MTUS1: variants seen among roughly 807,000 people sequenced by gnomAD.
MTUS1 encodes the protein microtubule associated scaffold protein 1.
MTUS1 carries 109 observed loss-of-function variants against 120.8 expected under a neutral mutation model. That is an observed-to-expected ratio of 0.90 (90% confidence interval 0.77 to 1.06). The LOEUF (loss-of-function observed/expected upper bound fraction) is 1.06. MTUS1 is among the 50% of genes least tolerant of loss of function. MTUS1 has a pLI of 0.00. For missense variants in MTUS1, 2,210 were observed against 1,486.3 expected (o/e 1.49, Z -8.01); for synonymous variants, 737 against 550.5 (o/e 1.34, Z -4.74).
chr8:17,759,600 T>C (rs1180259695), intron 1 of MTUS1, among the ~76,000 whole-genome samples: 1 of 147,388 alleles, frequency 6.8e-6, no homozygotes, highest in Non-Finnish European at 1.5e-5. Flanking sequence ...GTATATTTTA[T>C]ATATATATAT....
At chr8:17,748,198 G>C (rs971950001) in intron 2 of MTUS1, 2 of 152,248 alleles carry the variant, frequency 1.3e-5, no homozygotes, top group African/African-American at 4.8e-5. Context: ...GTTAGTACTT[G>C]GATGGCAGAC....
At chr8:17,737,145 A>C (rs2131219367) in intron 3 of MTUS1, among the ~76,000 whole-genome samples, 1 of 152,330 alleles carries the variant, frequency 6.6e-6, no homozygotes, top group East Asian at 1.9e-4. Context: ...GTAAAGGACC[A>C]GGGTTAAGAG....
Position 17,715,862 on chromosome 8 carries a change from G to T in MTUS1, c.2489C>A (p.Pro830Gln), listed in dbSNP as rs777917737. The change falls in exon 5 of 15, where the codon CCA (proline) becomes CAA (glutamine). Residue 830 changes from proline (P) to glutamine (Q), a missense_variant. Transcript: ENST00000693296. ...AAVIKYEEKP[P>Q]KPAFQNGSSG... is the part of the protein sequence containing the mutation. ...GGAACCATTCTGAAATGCTGGTTTT[G>T]GAGGTTTCTCCTCATATTTGATGAC... 1.2e-6 allele frequency: 2 copies of T among 1,613,860 alleles called. No individual in the cohort carries two copies. Among genetic ancestry groups the T allele is most frequent in the East Asian group, 2.2e-5 (1 of 44,882 alleles).
intron 8 of MTUS1, among the ~76,000 whole-genome samples, chr8:17,661,930 G>C (rs940961944): frequency 1.3e-5 from 2 of 152,160 alleles, no homozygotes; most frequent in African/African-American, 4.8e-5. Flanking sequence ...AAGTGGCCTG[G>C]GCTGCGAAGG....
intron 4 of MTUS1, chr8:17,722,208 T>C: frequency 9.8e-7 from 1 of 1,021,000 alleles, no homozygotes; most frequent in Non-Finnish European, 1.2e-6. Context: ...CTTAGGAGCA[T>C]CAGACACAGT....
chr8:17,757,121 A>G (rs766219597), intron 1 of MTUS1, among the ~76,000 whole-genome samples: 2 of 152,220 alleles, frequency 1.3e-5, no homozygotes, highest in African/African-American at 4.8e-5. Flanking sequence ...AGCACTATTC[A>G]TAATAGTCAT....
intron 8 of MTUS1, among the ~76,000 whole-genome samples, chr8:17,668,570 G>T (rs1421822072): frequency 6.6e-6 from 1 of 152,158 alleles, no homozygotes; most frequent in East Asian, 1.9e-4. Context: ...AATATAAAAT[G>T]TATCCAAGAG....
intron 1 of MTUS1, among the ~76,000 whole-genome samples, chr8:17,762,391 G>A (rs939719661): frequency 2.0e-5 from 3 of 152,146 alleles, no homozygotes; most frequent in Admixed American, 2.0e-4. Flanking sequence ...AACCATTCAA[G>A]GTAGCTAACA....
Position 17,675,207 on chromosome 8 carries a change from C to T in MTUS1, c.2884G>A (p.Val962Ile). ...TTACCTAGCTCTCCCCGGAGGTTAA[C>T]AAGTTCTTGAGATAGGGTTTTGTGT... ...KQHKTLSQEL[V>I]NLRGELVTAS... is the part of the protein sequence containing the mutation. The change falls in exon 8 of 15, where the codon GTT (valine) becomes ATT (isoleucine). Residue 962 changes from valine to isoleucine, a missense_variant. Physicochemically the swap from Val to Ile is conservative, Grantham distance 29. Coordinates refer to ENST00000693296, the MANE Select transcript of MTUS1 (RefSeq NM_001363059.2). 7 of 1,614,132 alleles carry T rather than the reference C, an allele frequency of 4.3e-6. No individual in the cohort carries two copies. The highest frequency in any genetic ancestry group is 5.9e-6 in the Non-Finnish European group (7 of 1,180,020).
chr8:17,694,081 A>G (rs1817487930), intron 6 of MTUS1, among the ~76,000 whole-genome samples: 1 of 152,110 alleles, frequency 6.6e-6, no homozygotes, highest in Non-Finnish European at 1.5e-5. Flanking sequence ...CTTTTTACCT[A>G]TTAATTTTTT....
intron 3 of MTUS1, among the ~76,000 whole-genome samples, chr8:17,726,478 T>C (rs556457661): frequency 6.6e-6 from 1 of 152,198 alleles, no homozygotes; most frequent in African/African-American, 2.4e-5. Context: ...AGGTCTAGCA[T>C]GGAGTGAGAC....
rs1554558544 is a variant in MTUS1 at position 17,644,505 on chromosome 8, A to ATAAGT, written c.*1416_*1420dup. On this transcript the variant is annotated 3_prime_UTR_variant, in exon 15 of 15. Coordinates refer to ENST00000693296, the MANE Select transcript of MTUS1 (RefSeq NM_001363059.2). ...CAAAGTCTCAGGATTAGGGGAGGTA[A>ATAAGT]TAAGTTTTGGAAAGAAACTGAAATG... is the stretch of plus-strand genomic sequence containing the variant. 3.3e-5 allele frequency: 5 copies of ATAAGT among 152,626 alleles called. No homozygotes were observed. Among genetic ancestry groups the ATAAGT allele is most frequent in the East Asian group, 1.9e-4 (1 of 5,194 alleles). The allele number at this position is 152,626 out of a possible 1,614,324, so 9.5% of individuals were successfully genotyped here. A position where few individuals can be genotyped will look rare whatever the true frequency, so the allele number is the denominator to read the frequency against.
chr8:17,754,262 A>C lies in MTUS1; in HGVS notation c.1546T>G (p.Ser516Ala). The change falls in exon 2 of 15, where the codon TCT (serine) becomes GCT (alanine). Residue 516 changes from serine (S) to alanine (A), a missense_variant. Coordinates refer to ENST00000693296, the MANE Select transcript of MTUS1 (RefSeq NM_001363059.2). ...TCTTTGGGCTGCAACACTGCTCTAG[A>C]CATAACTTTTGCTTTGACATTCTTG... is the stretch of plus-strand genomic sequence containing the variant. The part of the protein sequence containing the change: ...NFKNVKAKVM[S>A]RAVLQPKDAA... 6.2e-7 allele frequency: 1 copy of C among 1,614,088 alleles called. No homozygotes were observed. Among genetic ancestry groups the C allele is most frequent in the East Asian group, 2.2e-5 (1 of 44,880 alleles).
At chr8:17,699,507 C>G (rs1186640313) in intron 6 of MTUS1, among the ~76,000 whole-genome samples, 3 of 152,118 alleles carry the variant, frequency 2.0e-5, no homozygotes, top group African/African-American at 7.2e-5. Context: ...AGCCACCACG[C>G]CCAGCCTTAA....
At chr8:17,793,572 T>C (rs1390425105) in intron 1 of MTUS1, among the ~76,000 whole-genome samples, 7 of 152,106 alleles carry the variant, frequency 4.6e-5, no homozygotes, top group African/African-American at 1.7e-4. Flanking sequence ...AAAGTAAAAA[T>C]GTACCCAGCA....
chr8:17,724,111 C>G (rs976685602), intron 3 of MTUS1: 1 of 540,486 alleles, frequency 1.9e-6, no homozygotes. Context: ...CACATGTTCT[C>G]TGAAGGAGAT....
chr8:17,649,766 C>A (rs1001857519), intron 13 of MTUS1, 80 bp downstream of exon 13: 198 of 775,084 alleles, frequency 2.6e-4, no homozygotes, highest in Middle Eastern at 4.7e-4. Flanking sequence ...AACCCAACTC[C>A]ACAGTTCTAA....
rs200795434 is a variant in MTUS1 at position 17,684,488 on chromosome 8, G to A, written c.2678C>T (p.Ala893Val). 7.7e-5 allele frequency: 124 copies of A among 1,614,208 alleles called. 1 individual carries two copies. The African/African-American group carries it at 1.5e-3, about 19-fold the overall frequency. The stretch of plus-strand genomic sequence containing the variant: ...TTTCTCAGGGGGCAGCGCATCGGGA[G>A]CTGTCTGTGGCTGGATACATAAGCT... ...PRSLCIQPQT[A>V]PDALPPEKTL... is the part of the protein sequence containing the mutation. Residue 893 changes from alanine (A) to valine (V), a missense_variant, in exon 7 of 15, where the codon GCT (alanine) becomes GTT (valine). By Grantham distance (64) the Ala-to-Val change is moderately conservative (BLOSUM62 0). Coordinates refer to ENST00000693296, the MANE Select transcript of MTUS1 (RefSeq NM_001363059.2).
Position 17,645,707 on chromosome 8 carries a change from T to A in MTUS1, c.*219A>T, listed in dbSNP as rs1805636156. 1.1e-5 allele frequency: 6 copies of A among 542,528 alleles called. No homozygotes were observed. Among genetic ancestry groups the A allele is most frequent in the Admixed American group, 3.8e-5 (1 of 26,354 alleles). The allele number at this position is 542,528 out of a possible 1,614,324, so 33.6% of individuals were successfully genotyped here. On this transcript the variant is annotated 3_prime_UTR_variant, in exon 15 of 15. Coordinates refer to ENST00000693296, the MANE Select transcript of MTUS1 (RefSeq NM_001363059.2). ...TCCGTGTCGATGCCGAAATCTTTTT[T>A]TAAATCTTTTTTTGGAGGAATCTTT...
Sources: gnomAD v4.1 joint callset for allele counts (sites outside exome capture counted in the v4.1 genomes callset) on GRCh38, gnomAD v4.1.1 for gene constraint, MANE v1.5 for transcripts, NCBI Gene and HGNC (gene_info 2026-07-23, HGNC 2026-07-21) for gene names.